Variants in ZNF786 observed in about 807,000 individuals in gnomAD.
ZNF786 encodes the protein zinc finger protein 786.
In ZNF786, 56 loss-of-function variants were observed where a neutral mutation model predicts 63.1. The observed-to-expected ratio is 0.89, with a 90% confidence interval of 0.72 to 1.11. The LOEUF is 1.11. Ranked by LOEUF, ZNF786 falls within the 50% of genes least tolerant of loss-of-function variation. The pLI is 0.00. For missense variants in ZNF786, 1,213 were observed against 1,041.8 expected, an observed-to-expected ratio of 1.16 and a Z score of -2.26; for synonymous variants, 485 against 406.9, an observed-to-expected ratio of 1.19 and a Z score of -2.31.
intron 3 of ZNF786, among the ~76,000 whole-genome samples, chr7:149,073,627 C>T (rs1438230009): frequency 6.6e-6 from 1 of 150,470 alleles, no homozygotes; most frequent in Non-Finnish European, 1.5e-5. Context: ...AACTGTCTCT[C>T]AATATATATA....
rs368418768 is a variant in ZNF786 at position 149,070,893 on chromosome 7, C to G, written c.1879G>C (p.Asp627His). Residue 627 changes from aspartate (D) to histidine (H), a missense_variant, in exon 4 of 4, where the codon GAC becomes CAC. Physicochemically the swap from Asp to His is moderately conservative, Grantham distance 81. Coordinates refer to ENST00000491431, the MANE Select transcript of ZNF786 (RefSeq NM_152411.4). ...GERPFQCPEC[D>H]KRYRVKADMK... ...TCGGCCTTCACGCGATAGCGCTTGT[C>G]GCACTCCGGACACTGGAAGGGCCTC... The G allele has an allele frequency of 6.2e-7, 1 of 1,613,764 alleles. No individual in the cohort carries two copies. The highest frequency in any genetic ancestry group is 8.5e-7 in the Non-Finnish European group (1 of 1,180,008).
chr7:149,075,654 G>GTTTT (rs1563138018), intron 2 of ZNF786, among the ~76,000 whole-genome samples: 6 of 56,352 alleles, frequency 1.1e-4, no homozygotes, highest in Non-Finnish European at 1.8e-4. Flanking sequence ...ACACACTTCA[G>GTTTT]GTTTTTTTTT....
rs1173843274 is a variant in ZNF786 at position 149,090,631 on chromosome 7, G to A, written c.10C>T (p.Pro4Ser). 6.3e-7 allele frequency: 1 copy of A among 1,591,090 alleles called. No homozygotes were observed. The highest frequency in any genetic ancestry group is 8.6e-7 in the Non-Finnish European group (1 of 1,167,802). The change falls in exon 1 of 4, where the codon CCG (proline) becomes TCG (serine). Residue 4 changes from proline to serine, a missense_variant. Transcript: ENST00000491431. ...CAGGCTAGCCCGCTTACCCGAGGCG[G>A]CTCCGCCATGGTCCCCGCGGTCCCG... is the stretch of plus-strand genomic sequence containing the variant. MAE[P>S]PRLPLTFEDV... is the part of the protein sequence containing the mutation.
chr7:149,075,041 C>G (rs993053393), intron 2 of ZNF786, among the ~76,000 whole-genome samples: 1 of 151,982 alleles, frequency 6.6e-6, no homozygotes, highest in African/African-American at 2.4e-5. Flanking sequence ...GTTGCCCAGG[C>G]TGGTTTCAAA....
In ZNF786 at chr7:149,071,450, G is replaced by GT. The variant is rs757327722; in HGVS notation, c.1321dup (p.Thr441AsnfsTer72). ...TCCGCTGTGGACTCGAATGTGCTCC[G>GT]TGAGTTTACACTGCTTGGCGAAGCC... On this transcript the variant is annotated frameshift_variant, in exon 4 of 4. Transcript: ENST00000491431. LOFTEE classifies it high-confidence loss of function. The GT allele has an allele frequency of 1.2e-6, 2 of 1,611,810 alleles. No individual in the cohort carries two copies. Among genetic ancestry groups the GT allele is most frequent in the Non-Finnish European group, 1.7e-6 (2 of 1,179,440 alleles).
chr7:149,082,341 G>A (rs1396471477), intron 1 of ZNF786, among the ~76,000 whole-genome samples: 1 of 152,112 alleles, frequency 6.6e-6, no homozygotes, highest in Non-Finnish European at 1.5e-5. Flanking sequence ...TCTAAAAACT[G>A]CATTAGAAAA....
chr7:149,090,562 C>G, intron 1 of ZNF786, 61 bp downstream of exon 1: 4 of 1,486,864 alleles, frequency 2.7e-6, no homozygotes, highest in Non-Finnish European at 3.6e-6. Context: ...CGGGCGAGCC[C>G]GGAACCCGAG....
intron 1 of ZNF786, 30 bp downstream of exon 1, chr7:149,090,593 C>T: frequency 1.3e-6 from 2 of 1,566,704 alleles, no homozygotes; most frequent in Middle Eastern, 1.7e-4. Context: ...GACCCCGAAA[C>T]CGGGCGTCCA....
rs568135315 is a variant in ZNF786, at chr7:149,075,584, A to G, written c.146-1046T>C. ...TTAGAAATATTTCTGGCACATGGAG[A>G]AGGAGAAAAATATACAAAAACCTGG... On this transcript the variant is annotated intron_variant, in intron 2 of 3. Coordinates refer to ENST00000491431, the MANE Select transcript of ZNF786 (RefSeq NM_152411.4). 4.6e-5 allele frequency among the ~76,000 whole-genome samples: 7 copies of G among 150,908 alleles called. No individual in the cohort carries two copies. In the South Asian group the frequency reaches 1.5e-3, roughly 32 times the overall value.
rs1198418179 is a variant in ZNF786 at position 149,069,968 on chromosome 7, T to G, written c.*455A>C. 1 of 155,008 alleles carries G rather than the reference T, an allele frequency of 6.5e-6. No individual in the cohort carries two copies. 9.6% of individuals were successfully genotyped at this position (155,008 alleles called of 1,614,324 possible). On this transcript the variant is annotated 3_prime_UTR_variant, in exon 4 of 4. Coordinates refer to ENST00000491431, the MANE Select transcript of ZNF786 (RefSeq NM_152411.4). Reference sequence around the variant, plus strand: ...ACTTTTTAAAATGTCAGAACTTCCTTATAATTACACACATATATTTTTATA... The same window carrying G: ...ACTTTTTAAAATGTCAGAACTTCCTGATAATTACACACATATATTTTTATA...
At chr7:149,088,511 T>C (rs1328854701) in intron 1 of ZNF786, among the ~76,000 whole-genome samples, 1 of 152,218 alleles carries the variant, frequency 6.6e-6, no homozygotes, top group African/African-American at 2.4e-5. Context: ...TGCTGTATTA[T>C]TGCAGAACTG....
At chr7:149,077,560 G>A (rs889823461) in intron 2 of ZNF786, among the ~76,000 whole-genome samples, 2 of 151,832 alleles carry the variant, frequency 1.3e-5, no homozygotes, top group Non-Finnish European at 2.9e-5. Context: ...CCCGGGAGGC[G>A]GAGCTTGCAG....
At position 149,071,240 on chromosome 7, in the gene ZNF786, CAGG is replaced by C. The variant is rs764363198; in HGVS notation, c.1529_1531del (p.Ser510del). The C allele has an allele frequency of 1.1e-4, 174 of 1,612,370 alleles. No individual in the cohort carries two copies. Among genetic ancestry groups the C allele is most frequent in the Non-Finnish European group, 1.3e-4 (153 of 1,179,190 alleles). ...GGTGAAGCCTCTGCCACACTCGCTA[CAGG>C]AGAACGGCCTCTCCCCACCGTGCCG... On this transcript the variant is annotated inframe_deletion, in exon 4 of 4. Coordinates refer to ENST00000491431, the MANE Select transcript of ZNF786 (RefSeq NM_152411.4).
At position 149,070,221 on chromosome 7, in the gene ZNF786, A is replaced by G. The variant is rs1455829932; in HGVS notation, c.*202T>C. On this transcript the variant is annotated 3_prime_UTR_variant, in exon 4 of 4. Transcript: ENST00000491431. ...GCAAAACTCCATCTTGGAAAAAAAA[A>G]AAAAAAAGAAAGAAATATAATTGGT... The G allele has an allele frequency of 4.5e-6, 3 of 663,728 alleles. No homozygotes were observed. The highest frequency in any genetic ancestry group is 3.6e-5 in the African/African-American group (2 of 54,898). 41.1% of individuals were successfully genotyped at this position (663,728 alleles called of 1,614,324 possible).
chr7:149,088,673 TAAC>T (rs1160999913), intron 1 of ZNF786, among the ~76,000 whole-genome samples: 1 of 152,224 alleles, frequency 6.6e-6, no homozygotes, highest in Non-Finnish European at 1.5e-5. Flanking sequence ...ACCACTGACT[TAAC>T]AAGTTTAACA....
rs750783028 is a variant in ZNF786 at position 149,072,088 on chromosome 7, C to A, written c.684G>T (p.Gln228His). Residue 228 changes from glutamine to histidine, a missense_variant, in exon 4 of 4, where the codon CAG (glutamine) becomes CAT (histidine). Gln to His is a conservative substitution (Grantham distance 24). Transcript: ENST00000491431. The stretch of plus-strand genomic sequence containing the variant: ...GTACCCGAGGGCTGCTCCACGGCAT[C>A]TGCGTCTCCGCCCTCTTGTTGAATT... ...WEKFNKRAET[Q>H]MPWSSPRVQR... The A allele has an allele frequency of 1.9e-6, 3 of 1,613,270 alleles. No individual in the cohort carries two copies. The highest frequency in any genetic ancestry group is 2.5e-6 in the Non-Finnish European group (3 of 1,179,708).
At chr7:149,078,474 C>T (rs551333917) in intron 2 of ZNF786, among the ~76,000 whole-genome samples, 2 of 152,026 alleles carry the variant, frequency 1.3e-5, no homozygotes, top group African/African-American at 4.8e-5. Flanking sequence ...CACCTGAGGT[C>T]GGGAGTTTGA....
At chr7:149,076,457 A>G (rs1254687122) in intron 2 of ZNF786, among the ~76,000 whole-genome samples, 5 of 143,692 alleles carry the variant, frequency 3.5e-5, no homozygotes, top group African/African-American at 1.3e-4. Context: ...GGCCGGGCGC[A>G]GTGGCTCACG....
At chr7:149,089,640 C>A (rs1825798305) in intron 1 of ZNF786, among the ~76,000 whole-genome samples, 1 of 150,536 alleles carries the variant, frequency 6.6e-6, no homozygotes, top group Non-Finnish European at 1.5e-5. Context: ...TTTTAAAATC[C>A]ATTCTTTTAC....
Sources: allele counts gnomAD v4.1 joint callset (sites outside exome capture counted in the v4.1 genomes callset), GRCh38; gene constraint gnomAD v4.1.1; transcripts MANE v1.5; gene names NCBI Gene and HGNC (gene_info 2026-07-23, HGNC 2026-07-21).